The following GALNT7 variants were observed in gnomAD, a reference collection of about 807,000 sequenced individuals.
GALNT7 encodes the protein N-acetylgalactosaminyltransferase 7.
In GALNT7, 60 loss-of-function variants were observed where a neutral mutation model predicts 82.1. The ratio of observed to expected loss-of-function variants is 0.73; its 90% confidence interval spans 0.59 to 0.91. The LOEUF is 0.91. Among genes scored for constraint, GALNT7 ranks in the 40% least tolerant of loss-of-function variants. The pLI, the probability that GALNT7 is intolerant of heterozygous loss-of-function variation, is 0.00. For synonymous variants in GALNT7, 243 were observed against 275.1 expected, an observed-to-expected ratio of 0.88 and a Z score of 1.15; for missense variants, 660 against 804.2, an observed-to-expected ratio of 0.82 and a Z score of 2.17.
rs144983820 is a variant in GALNT7, at chr4:173,280,331, CAA to C, written c.588-11776_588-11775del. 1.9e-3 allele frequency among the ~76,000 whole-genome samples: 286 copies of C among 152,226 alleles called. 1 individual carries two copies. Among genetic ancestry groups the C allele is most frequent in the Middle Eastern group, 0.01 (3 of 294 alleles). ...ATTTATTGATGAAGTCTAAATATAA[CAA>C]GGTTTTATATTAAACTACAGATGTT... On this transcript the variant is annotated intron_variant, in intron 2 of 11. Transcript: ENST00000265000.
intron 3 of GALNT7, 77 bp from the exon 4 acceptor site, chr4:173,295,319 C>T (rs1736682099): frequency 2.9e-6 from 3 of 1,045,702 alleles, no homozygotes; most frequent in Admixed American, 1.8e-5. Flanking sequence ...CACCTGTATT[C>T]TTGTTTCCTG....
chr4:173,241,471 G>T (rs892596350), intron 1 of GALNT7, among the ~76,000 whole-genome samples: 1 of 152,132 alleles, frequency 6.6e-6, no homozygotes, highest in African/African-American at 2.4e-5. Flanking sequence ...TACAGATGGG[G>T]ACTTCTTTTA....
At chr4:173,283,794 A>G (rs955901197) in intron 2 of GALNT7, among the ~76,000 whole-genome samples, 2 of 152,168 alleles carry the variant, frequency 1.3e-5, no homozygotes, top group African/African-American at 4.8e-5. Flanking sequence ...ACACCCTTTC[A>G]GTCAAAGCCT....
Position 173,168,952 on chromosome 4 carries a change from C to T in GALNT7, c.117C>T (p.Ser39=). ...GGCCGGACGACCCAAGCCCGCTGAGCAGGATGAGGGTGAGTGACCCGCCCG... is the reference window on the plus strand; with the variant it reads ...GGCCGGACGACCCAAGCCCGCTGAGTAGGATGAGGGTGAGTGACCCGCCCG... ...TPRPDDPSPL[S]RMREDRDVND... Residue 39 remains serine (S), a synonymous_variant, in exon 1 of 12, where the codon AGC becomes AGT. Transcript: ENST00000265000. The T allele has an allele frequency of 6.2e-7, 1 of 1,613,460 alleles. No individual in the cohort carries two copies. Among genetic ancestry groups the T allele is most frequent in the African/African-American group, 1.3e-5 (1 of 75,000 alleles).
rs554896980 is a variant in GALNT7 at position 173,285,812 on chromosome 4, C to T, written c.588-6296C>T. The stretch of plus-strand genomic sequence containing the variant: ...TTAATAAACAAGCACAGCCAGAAGA[C>T]AAAGACAGATGTTGAGAGGGGCTTA... On this transcript the variant is annotated intron_variant, in intron 2 of 11. Coordinates refer to ENST00000265000, the MANE Select transcript of GALNT7 (RefSeq NM_017423.3). Among the ~76,000 whole-genome samples, 3 of 152,144 alleles carry T rather than the reference C, an allele frequency of 2.0e-5. No homozygotes were observed. The South Asian group carries it at 6.2e-4, about 31-fold the overall frequency.
intron 1 of GALNT7, among the ~76,000 whole-genome samples, chr4:173,200,661 T>C (rs941271350): frequency 6.6e-6 from 1 of 152,216 alleles, no homozygotes; most frequent in Non-Finnish European, 1.5e-5. Flanking sequence ...TTCCAGTGTT[T>C]AGGGTCTGCT....
intron 1 of GALNT7, among the ~76,000 whole-genome samples, chr4:173,234,238 C>T (rs1014746332): frequency 6.6e-6 from 1 of 152,182 alleles, no homozygotes; most frequent in East Asian, 1.9e-4. Flanking sequence ...TTCCTCAAGG[C>T]GGGATCCAAG....
chr4:173,214,911 C>T (rs1262616171), intron 1 of GALNT7, among the ~76,000 whole-genome samples: 3 of 152,034 alleles, frequency 2.0e-5, no homozygotes, highest in Admixed American at 6.5e-5. Context: ...ATCCTGGCAT[C>T]TAGCCTACGG....
At position 173,320,914 on chromosome 4, in the gene GALNT7, T is replaced by C. The variant is rs927099672; in HGVS notation, c.1837-666T>C. 2.0e-5 allele frequency among the ~76,000 whole-genome samples: 3 copies of C among 152,212 alleles called. No individual in the cohort carries two copies. The South Asian group carries it at 6.2e-4, about 31-fold the overall frequency. On this transcript the variant is annotated intron_variant, in intron 11 of 11. Coordinates refer to ENST00000265000, the MANE Select transcript of GALNT7 (RefSeq NM_017423.3). This position sits in a 1 kb window ranked among gnomAD's most constrained non-coding sequence, Gnocchi z 4.1. ...TGTGTGGCCATGAGCAATACAACTA[T>C]AGGTACTAGCATAGTTTGATTCATG...
intron 2 of GALNT7, among the ~76,000 whole-genome samples, chr4:173,270,275 C>T (rs1311930941): frequency 3.3e-5 from 5 of 152,046 alleles, no homozygotes; most frequent in Non-Finnish European, 7.4e-5. Flanking sequence ...AAAGATATAG[C>T]AGATTGACAT....
chr4:173,274,627 A>G (rs1035883386), intron 2 of GALNT7, among the ~76,000 whole-genome samples: 5 of 152,262 alleles, frequency 3.3e-5, no homozygotes, highest in Non-Finnish European at 7.4e-5. Flanking sequence ...TGCCCTTTCT[A>G]TTTCACAGGG....
chr4:173,278,683 A>G (rs1479574537), intron 2 of GALNT7, among the ~76,000 whole-genome samples: 1 of 152,244 alleles, frequency 6.6e-6, no homozygotes, highest in Non-Finnish European at 1.5e-5. Flanking sequence ...TGAGATAGCA[A>G]TATGATATAG....
chr4:173,321,545 C>T (rs1737817275), intron 11 of GALNT7, 35 bp from the exon 12 acceptor site: 1 of 1,567,444 alleles, frequency 6.4e-7, no homozygotes, highest in Non-Finnish European at 8.8e-7. Flanking sequence ...ATCAAGGGTC[C>T]AAATTTGAAA....
intron 8 of GALNT7, among the ~76,000 whole-genome samples, chr4:173,313,571 A>C (rs79788800): frequency 7.8e-6 from 1 of 128,998 alleles, no homozygotes; most frequent in African/African-American, 3.5e-5. Context: ...ACCCCATCAC[A>C]AAAAAAAAAA....
At chr4:173,310,883 G>A (rs1056123226) in intron 8 of GALNT7, among the ~76,000 whole-genome samples, 3 of 151,984 alleles carry the variant, frequency 2.0e-5, no homozygotes, top group African/African-American at 7.3e-5. Context: ...TTATAGGTGC[G>A]CACCACCACA....
intron 2 of GALNT7, among the ~76,000 whole-genome samples, chr4:173,268,521 TTC>T (rs927179441): frequency 6.9e-6 from 1 of 144,828 alleles, no homozygotes; most frequent in African/African-American, 2.5e-5. Context: ...GACACTTGTT[TTC>T]TCTCTCGTTT....
At chr4:173,191,233 G>A (rs1033609110) in intron 1 of GALNT7, among the ~76,000 whole-genome samples, 1 of 152,100 alleles carries the variant, frequency 6.6e-6, no homozygotes, top group Non-Finnish European at 1.5e-5. Context: ...GGGATGGGGG[G>A]GGTACTTGGC....
intron 8 of GALNT7, among the ~76,000 whole-genome samples, chr4:173,312,930 G>A (rs1249029552): frequency 6.6e-6 from 1 of 152,060 alleles, no homozygotes; most frequent in Non-Finnish European, 1.5e-5. Flanking sequence ...GTGGTGGCGG[G>A]CACCTGTAAT....
chr4:173,314,108 A>G lies in GALNT7; in HGVS notation c.1540A>G (p.Met514Val), dbSNP rs1347259550. The part of the protein sequence containing the change: ...DHNCKSFKWF[M>V]EEIAYDITSH... The stretch of plus-strand genomic sequence containing the variant: ...CAACTGCAAAAGTTTTAAGTGGTTC[A>G]TGGAAGAAATAGCTTATGATATCAC... The change falls in exon 9 of 12, where the codon ATG becomes GTG. Residue 514 changes from methionine (M) to valine (V), a missense_variant. By Grantham distance (21) the Met-to-Val change is conservative (BLOSUM62 1). Around this residue, in one of 2 missense-constraint regions of GALNT7, gnomAD observed 527 missense variants for 683.5 expected, o/e 0.77. Transcript: ENST00000265000. 1 of 1,613,972 alleles carries G rather than the reference A, an allele frequency of 6.2e-7. No individual in the cohort carries two copies. The highest frequency in any genetic ancestry group is 8.5e-7 in the Non-Finnish European group (1 of 1,179,948).
Sources: gnomAD v4.1 joint callset for allele counts (sites outside exome capture counted in the v4.1 genomes callset) on GRCh38, gnomAD v4.1.1 for gene constraint, gnomAD v4.1.1 regional missense constraint, Gnocchi (gnomAD v3.1) non-coding constraint, MANE v1.5 for transcripts, NCBI Gene and HGNC (gene_info 2026-07-23, HGNC 2026-07-21) for gene names.